Variants in FAM13B observed in about 807,000 individuals in gnomAD.
The protein encoded by FAM13B is family with sequence similarity 13 member B.
FAM13B carries 60 observed loss-of-function variants against 117.3 expected under a neutral mutation model. The ratio of observed to expected loss-of-function variants is 0.51; its 90% confidence interval spans 0.42 to 0.63. The LOEUF is 0.63. Among genes scored for constraint, FAM13B ranks in the 30% least tolerant of loss-of-function variants. The pLI is 0.00. For synonymous variants in FAM13B, 332 were observed against 356.1 expected, an observed-to-expected ratio of 0.93 and a Z score of 0.76; for missense variants, 972 against 1,091.9, an observed-to-expected ratio of 0.89 and a Z score of 1.55.
intron 10 of FAM13B, among the ~76,000 whole-genome samples, chr5:137,966,521 A>AGAGAGAGAGAGAGAGG (rs1769992623): frequency 7.0e-6 from 1 of 143,282 alleles, no homozygotes; most frequent in Admixed American, 7.0e-5. Context: ...AGAGAGAGAG[A>AGAGAGAGAGAGAGAGG]GAGGGAAAGA....
intron 20 of FAM13B, 47 bp downstream of exon 20, chr5:137,945,855 T>C: frequency 7.1e-7 from 1 of 1,404,380 alleles, no homozygotes; most frequent in Non-Finnish European, 1.0e-6. Flanking sequence ...TTGGGAAGAG[T>C]ACATCTTGAT....
intron 10 of FAM13B, among the ~76,000 whole-genome samples, chr5:137,977,611 G>C (rs1198049108): frequency 6.6e-6 from 1 of 152,168 alleles, no homozygotes; most frequent in Admixed American, 6.5e-5. Context: ...ATCGGGAGCA[G>C]GTTCCCTGAT....
intron 2 of FAM13B, 27 bp downstream of exon 2, chr5:138,021,004 G>A (rs1371134013): frequency 1.6e-6 from 2 of 1,226,926 alleles, no homozygotes; most frequent in African/African-American, 1.6e-5. Context: ...TATAGAGCAC[G>A]AGATAGTTAC....
intron 7 of FAM13B, among the ~76,000 whole-genome samples, chr5:137,989,661 C>CA (rs1172558948): frequency 2.6e-5 from 4 of 151,390 alleles, no homozygotes; most frequent in East Asian, 1.9e-4. Context: ...CCCATCTCTA[C>CA]AAAAAAAATA....
At chr5:138,000,519 A>C (rs1315262124) in intron 7 of FAM13B, among the ~76,000 whole-genome samples, 2 of 152,218 alleles carry the variant, frequency 1.3e-5, no homozygotes, top group Non-Finnish European at 2.9e-5. Context: ...TTAAGTGTGT[A>C]AGGGGATTGT....
intron 10 of FAM13B, among the ~76,000 whole-genome samples, chr5:137,980,676 G>A (rs1478146875): frequency 6.6e-6 from 1 of 151,718 alleles, no homozygotes; most frequent in Non-Finnish European, 1.5e-5. Flanking sequence ...CTGGGCTCAA[G>A]CGATCCACCT....
At position 137,940,136 on chromosome 5, in the gene FAM13B, A is replaced by C. The variant is rs376480186; in HGVS notation, c.*89T>G. The C allele has an allele frequency of 1.5e-5, 24 of 1,613,972 alleles. No individual in the cohort carries two copies. The highest frequency in any genetic ancestry group is 1.9e-5 in the Non-Finnish European group (22 of 1,179,946). ...AATGAGATTCTCTGAGTGCCTGACAAAACGAATTTAAGTACCAGCCAAGTA... is the reference window on the plus strand; with the variant it reads ...AATGAGATTCTCTGAGTGCCTGACACAACGAATTTAAGTACCAGCCAAGTA... On this transcript the variant is annotated 3_prime_UTR_variant, in exon 24 of 24. Transcript: ENST00000689681.
At chr5:137,940,482 AAAG>A in intron 23 of FAM13B, 134 bp from the exon 24 acceptor site, 1 of 647,624 alleles carries the variant, frequency 1.5e-6, no homozygotes, top group Non-Finnish European at 2.6e-6. Context: ...AAAAAAAAAA[AAAG>A]GTTATTGAAC....
At position 137,942,865 on chromosome 5, in the gene FAM13B, G is replaced by A. The variant is rs751285098; in HGVS notation, c.2588+10C>T. 1.3e-6 allele frequency: 2 copies of A among 1,591,506 alleles called. No individual in the cohort carries two copies. Among genetic ancestry groups the A allele is most frequent in the Non-Finnish European group, 8.5e-7 (1 of 1,174,176 alleles). ...AAAAATAGGCTAAAATCACAAATCA[G>A]CATACATACATAGAAGCTGCTCGAG... is the stretch of plus-strand genomic sequence containing the variant. On this transcript the variant is annotated intron_variant, in intron 22 of 23. Coordinates refer to ENST00000689681, the MANE Select transcript of FAM13B (RefSeq NM_001385994.1).
intron 10 of FAM13B, among the ~76,000 whole-genome samples, chr5:137,978,889 C>G (rs1774814479): frequency 6.6e-6 from 1 of 152,202 alleles, no homozygotes; most frequent in African/African-American, 2.4e-5. Context: ...TTCTGCAACA[C>G]TGACCTCTTT....
chr5:137,954,059 T>A, intron 15 of FAM13B, 107 bp downstream of exon 15: 2 of 561,066 alleles, frequency 3.6e-6, no homozygotes. Flanking sequence ...TTTTTTTTTT[T>A]TGAGATGGAG....
At chr5:138,015,685 A>G (rs1057010092) in intron 4 of FAM13B, among the ~76,000 whole-genome samples, 5 of 152,230 alleles carry the variant, frequency 3.3e-5, no homozygotes, top group Non-Finnish European at 5.9e-5. Flanking sequence ...CCTGGGTGAC[A>G]GAGCAAGACT....
Position 137,940,055 on chromosome 5 carries a change from G to A in FAM13B, c.*170C>T, listed in dbSNP as rs765631397. 6.2e-7 allele frequency: 1 copy of A among 1,613,828 alleles called. No homozygotes were observed. The highest frequency in any genetic ancestry group is 8.5e-7 in the Non-Finnish European group (1 of 1,179,870). ...AACATCACTTACGCTCCCTTGAGAG[G>A]GCCTACTTACTCTCCCATCATTTGT... On this transcript the variant is annotated 3_prime_UTR_variant, in exon 24 of 24. Coordinates refer to ENST00000689681, the MANE Select transcript of FAM13B (RefSeq NM_001385994.1).
intron 7 of FAM13B, among the ~76,000 whole-genome samples, chr5:137,997,736 C>G (rs929082529): frequency 1.3e-5 from 2 of 152,212 alleles, no homozygotes; most frequent in Admixed American, 1.3e-4. Context: ...ACAGACCAAT[C>G]AATACAACTC....
intron 12 of FAM13B, 145 bp downstream of exon 12, chr5:137,960,021 A>C (rs1767706131): frequency 1.5e-6 from 1 of 685,356 alleles, no homozygotes; most frequent in South Asian, 1.9e-5. Flanking sequence ...AAAGTGGCAA[A>C]TTAAGTTGCT....
At chr5:138,021,332 T>C (rs1310932781) in intron 1 of FAM13B, 135 bp from the exon 2 acceptor site, 1 of 710,862 alleles carries the variant, frequency 1.4e-6, no homozygotes, top group Non-Finnish European at 1.9e-6. Context: ...AAAATCTATC[T>C]GTAACCTAAA....
At chr5:137,989,284 A>T (rs1778012126) in intron 7 of FAM13B, among the ~76,000 whole-genome samples, 1 of 152,254 alleles carries the variant, frequency 6.6e-6, no homozygotes, top group Non-Finnish European at 1.5e-5. Flanking sequence ...ACTGCAGGAA[A>T]CCAAATGAGT....
At chr5:138,034,995 CTTTTTTTTTTT>C (rs557807234), upstream of FAM13B, among the ~76,000 whole-genome samples, 629 of 34,362 alleles carry the variant, frequency 0.018, 8 homozygotes, top group Middle Eastern at 0.068. Flanking sequence ...ATTCCCTTGC[CTTTTTTTTTTT>C]TTTTTTTTTT....
At chr5:138,000,485 G>GT (rs1340552768) in intron 7 of FAM13B, among the ~76,000 whole-genome samples, 3 of 152,022 alleles carry the variant, frequency 2.0e-5, no homozygotes, top group Admixed American at 6.6e-5. Flanking sequence ...TGAAACAAAA[G>GT]TTCTTTAGGG....
Sources: allele counts gnomAD v4.1 joint callset (sites outside exome capture counted in the v4.1 genomes callset), GRCh38; gene constraint gnomAD v4.1.1; transcripts MANE v1.5; gene names NCBI Gene and HGNC (gene_info 2026-07-23, HGNC 2026-07-21).